LRP1B: variants seen among roughly 807,000 people sequenced by gnomAD.
LRP1B encodes the protein LDL receptor related protein 1B.
In LRP1B, 217 loss-of-function variants were observed where a neutral mutation model predicts 556.6. The ratio of observed to expected loss-of-function variants is 0.39; its 90% CI spans 0.35 to 0.44. The LOEUF is 0.44. Among genes scored for constraint, LRP1B ranks in the 20% least tolerant of loss-of-function variants. The probability of loss-of-function intolerance (pLI) is 1.00; values close to 1 mark genes in which losing one functional copy is unlikely to be tolerated. For synonymous variants in LRP1B, 2,047 were observed against 1,865.8 expected (o/e 1.10, Z -2.50); for missense variants, 5,053 against 5,620.8 (o/e 0.90, Z 3.23).
chr2:141,692,894 T>C (rs1279053860), intron 2 of LRP1B, among the ~76,000 whole-genome samples: 1 of 152,038 alleles, frequency 6.6e-6, no homozygotes, highest in African/African-American at 2.4e-5. Context: ...TATAATCTTA[T>C]GAAACCACAG....
At chr2:141,484,160 C>A (rs1264879831) in intron 2 of LRP1B, among the ~76,000 whole-genome samples, 2 of 147,930 alleles carry the variant, frequency 1.4e-5, no homozygotes, top group South Asian at 2.2e-4. Flanking sequence ...GTAAGGGATC[C>A]AGTTTCAGCT....
Position 140,541,825 on chromosome 2 carries a change from T to A in LRP1B, c.7341A>T (p.Pro2447=). Residue 2447 remains proline, a synonymous_variant, in exon 44 of 91, where the codon CCA becomes CCT. Transcript: ENST00000389484. ...GDTKILRSDI[P]HQPMGIIAVA... ...CAGCTATGATTCCCATTGGCTGATG[T>A]GGAATATCGGAACGAAGAATTTTTG... The A allele has an allele frequency of 6.2e-7, 1 of 1,612,636 alleles. No individual in the cohort carries two copies. Among genetic ancestry groups the A allele is most frequent in the Non-Finnish European group, 8.5e-7 (1 of 1,179,036 alleles).
intron 60 of LRP1B, among the ~76,000 whole-genome samples, chr2:140,465,297 C>A (rs1195666586): frequency 6.6e-6 from 1 of 152,120 alleles, no homozygotes; most frequent in Non-Finnish European, 1.5e-5. Flanking sequence ...CCAACTCTAG[C>A]ACTGGGGATT....
chr2:140,514,843 A>G (rs1266389055), intron 50 of LRP1B, 71 bp from the exon 51 acceptor site: 60 of 1,379,938 alleles, frequency 4.3e-5, no homozygotes, highest in Non-Finnish European at 5.7e-5. Context: ...CAGTGAGAAG[A>G]TTCTTTCTTA....
intron 2 of LRP1B, among the ~76,000 whole-genome samples, chr2:141,525,021 T>C (rs941937835): frequency 1.3e-5 from 2 of 152,120 alleles, no homozygotes; most frequent in African/African-American, 4.8e-5. Context: ...CTTCTTGCTT[T>C]TCATTAATAT....
chr2:140,502,879 T>C (rs547831840), intron 54 of LRP1B, 84 bp downstream of exon 54: 19 of 1,373,704 alleles, frequency 1.4e-5, no homozygotes, highest in Non-Finnish European at 1.8e-5. Context: ...TTTTCTCTCA[T>C]TGAATACTAT....
chr2:141,833,988 T>A (rs2105749641), intron 1 of LRP1B, among the ~76,000 whole-genome samples: 1 of 146,994 alleles, frequency 6.8e-6, no homozygotes, highest in East Asian at 1.9e-4. Context: ...TAAAGGGCAT[T>A]GCAGAAAGAA....
At chr2:141,430,645 TA>T (rs931683396) in intron 3 of LRP1B, among the ~76,000 whole-genome samples, 9 of 152,056 alleles carry the variant, frequency 5.9e-5, no homozygotes, top group African/African-American at 2.2e-4. Flanking sequence ...CTACTTCTTT[TA>T]AAAAAGATTT....
At chr2:140,987,756 G>A (rs941812564) in intron 17 of LRP1B, among the ~76,000 whole-genome samples, 6 of 152,044 alleles carry the variant, frequency 3.9e-5, no homozygotes, top group South Asian at 4.1e-4. Context: ...AGGCCTAAGT[G>A]GGCACATCAC....
chr2:141,486,318 C>A (rs530513580), intron 2 of LRP1B, among the ~76,000 whole-genome samples: 1 of 152,144 alleles, frequency 6.6e-6, no homozygotes, highest in African/African-American at 2.4e-5. Flanking sequence ...AAATAATGCT[C>A]CCAGGATAAT....
chr2:141,507,400 T>C (rs896329858), intron 2 of LRP1B, among the ~76,000 whole-genome samples: 5 of 97,616 alleles, frequency 5.1e-5, no homozygotes, highest in Non-Finnish European at 8.4e-5. Context: ...CAGCCAATAG[T>C]TTTAAAAAAT....
chr2:141,965,759 TA>T (rs1392722790), intron 1 of LRP1B, among the ~76,000 whole-genome samples: 1 of 106,520 alleles, frequency 9.4e-6, no homozygotes, highest in Non-Finnish European at 2.0e-5. Flanking sequence ...AAAAAAATAA[TA>T]ATAATAGTAA....
chr2:141,015,008 T>C (rs1558801262), intron 13 of LRP1B, among the ~76,000 whole-genome samples: 2 of 152,108 alleles, frequency 1.3e-5, no homozygotes. Context: ...AGCATTTTGG[T>C]CATTTCTAAC....
At chr2:141,536,007 T>C (rs911768376) in intron 2 of LRP1B, among the ~76,000 whole-genome samples, 1 of 152,078 alleles carries the variant, frequency 6.6e-6, no homozygotes, top group African/African-American at 2.4e-5. Context: ...ACACAACACA[T>C]ACAAAAATAG....
intron 1 of LRP1B, among the ~76,000 whole-genome samples, chr2:142,129,791 C>T (rs1428678163): frequency 1.3e-5 from 2 of 152,074 alleles, no homozygotes; most frequent in Non-Finnish European, 2.9e-5. Flanking sequence ...CCTTTTTCAC[C>T]AGTGCATCTG....
chr2:140,924,411 T>C (rs947113712), intron 20 of LRP1B, among the ~76,000 whole-genome samples: 3 of 152,096 alleles, frequency 2.0e-5, no homozygotes, highest in African/African-American at 7.2e-5. Flanking sequence ...TTTAGTTCTT[T>C]ATTTTTTCTT....
At chr2:141,321,695 T>C (rs1056435101) in intron 3 of LRP1B, among the ~76,000 whole-genome samples, 2 of 152,078 alleles carry the variant, frequency 1.3e-5, no homozygotes. Context: ...ACCAATCCTT[T>C]TTTAGCTCTG....
chr2:141,120,569 G>A (rs917855516), intron 7 of LRP1B, among the ~76,000 whole-genome samples: 4 of 151,856 alleles, frequency 2.6e-5, no homozygotes, highest in African/African-American at 9.7e-5. Context: ...ACTCTAAATA[G>A]CTATCTGATA....
At position 140,983,615 on chromosome 2, in the gene LRP1B, G is replaced by T. The variant is rs139263582; in HGVS notation, c.2771-1339C>A. On this transcript the variant is annotated intron_variant, in intron 17 of 90. Coordinates refer to ENST00000389484, the MANE Select transcript of LRP1B (RefSeq NM_018557.3). ...CTTTTAAGAAAAGTGCACTTGCAGT[G>T]TTAAGATGTATATTCATTATTTGTG... is the stretch of plus-strand genomic sequence containing the variant. Among the ~76,000 whole-genome samples, 108 of 152,150 alleles carry T rather than the reference G, an allele frequency of 7.1e-4. 2 individuals carry two copies. In the South Asian group the frequency reaches 0.022, roughly 31 times the overall value.
Sources: gnomAD v4.1 joint callset for allele counts (sites outside exome capture counted in the v4.1 genomes callset) on GRCh38, gnomAD v4.1.1 for gene constraint, MANE v1.5 for transcripts, NCBI Gene and HGNC (gene_info 2026-07-23, HGNC 2026-07-21) for gene names.